CBX7: variants seen among roughly 807,000 people sequenced by gnomAD.
The protein encoded by CBX7 is chromobox protein homolog 7.
Under a neutral mutation model 31.4 loss-of-function variants are expected in CBX7, and 14 were observed. The ratio of observed to expected loss-of-function variants is 0.45; its 90% CI spans 0.29 to 0.70. CBX7 has a LOEUF of 0.70. Among genes scored for constraint, CBX7 ranks in the 30% least tolerant of loss-of-function variants. CBX7 has a pLI of 0.11. For missense variants in CBX7, 269 were observed against 351.9 expected, an observed-to-expected ratio of 0.76 and a Z score of 1.89; for synonymous variants, 159 against 152.6, an observed-to-expected ratio of 1.04 and a Z score of -0.31.
At chr22:39,139,776 A>G (rs1930389925) in intron 3 of CBX7, among the ~76,000 whole-genome samples, 1 of 151,124 alleles carries the variant, frequency 6.6e-6, no homozygotes, top group African/African-American at 2.4e-5. Context: ...CCAAAAATAC[A>G]AAAATTAGCC....
intron 3 of CBX7, chr22:39,141,007 CAG>C (rs891516050): frequency 8.5e-5 from 21 of 245,740 alleles, no homozygotes; most frequent in African/African-American, 4.0e-4. Flanking sequence ...TCCTAGCACA[CAG>C]GGCATCTTTG....
chr22:39,137,186 T>TA (rs1370234795), intron 4 of CBX7, among the ~76,000 whole-genome samples: 3 of 152,154 alleles, frequency 2.0e-5, no homozygotes, highest in African/African-American at 7.2e-5. Flanking sequence ...CGAATTTTTT[T>TA]AGGATTTTGG....
At position 39,139,313 on chromosome 22, in the gene CBX7, G is replaced by A. The variant is rs150260342; in HGVS notation, c.180-611C>T. Among the ~76,000 whole-genome samples, 6 of 152,274 alleles carry A rather than the reference G, an allele frequency of 3.9e-5. No individual in the cohort carries two copies. The East Asian group carries it at 9.6e-4, about 24-fold the overall frequency. ...ACAAAGCACAACTCAGGCCGGGTGC[G>A]GTGGCTCACGCCTGTAATCCCAGCA... On this transcript the variant is annotated intron_variant, in intron 3 of 5. Coordinates refer to ENST00000216133, the MANE Select transcript of CBX7 (RefSeq NM_175709.5).
intron 2 of CBX7, chr22:39,149,560 A>G (rs977510699): frequency 1.8e-6 from 1 of 568,360 alleles, no homozygotes; most frequent in Admixed American, 3.2e-5. Flanking sequence ...AGAGGAGCTC[A>G]ACACTCAGGA....
At chr22:39,140,680 C>T (rs912173153) in intron 3 of CBX7, among the ~76,000 whole-genome samples, 10 of 152,210 alleles carry the variant, frequency 6.6e-5, no homozygotes, top group Admixed American at 2.0e-4. Context: ...GGTCCCAAGC[C>T]GCACAAGGCA....
intron 2 of CBX7, chr22:39,147,918 T>G (rs1183373442): frequency 6.6e-6 from 1 of 152,218 alleles, no homozygotes; most frequent in East Asian, 1.9e-4. Context: ...TAACTTAATC[T>G]TAAAACCAAA....
chr22:39,145,690 G>A (rs565902327), intron 2 of CBX7, among the ~76,000 whole-genome samples: 5 of 150,654 alleles, frequency 3.3e-5, no homozygotes, highest in Non-Finnish European at 5.9e-5. Context: ...CACGGGGAGG[G>A]GCGCGCGCCG....
intron 5 of CBX7, 122 bp downstream of exon 5, chr22:39,134,279 A>G: frequency 2.1e-6 from 2 of 949,230 alleles, no homozygotes; most frequent in Non-Finnish European, 3.1e-6. Flanking sequence ...TTGGGCCCTG[A>G]GCCCAGACCC....
chr22:39,143,268 TA>T (rs1233364979), intron 2 of CBX7, among the ~76,000 whole-genome samples: 3 of 147,344 alleles, frequency 2.0e-5, no homozygotes, highest in African/African-American at 7.6e-5. Context: ...ACAATGAAAA[TA>T]AAAATATAAA....
chr22:39,136,359 C>T (rs1200047856), intron 4 of CBX7: 1 of 152,322 alleles, frequency 6.6e-6, no homozygotes, highest in Admixed American at 6.5e-5. Context: ...CCGTCCATTC[C>T]CACACCCAGT....
At chr22:39,139,730 G>GAAAAAAAAAA (rs1930387296) in intron 3 of CBX7, among the ~76,000 whole-genome samples, 1 of 108,370 alleles carries the variant, frequency 9.2e-6, no homozygotes, top group African/African-American at 3.7e-5. Context: ...AAGAAAGAAA[G>GAAAAAAAAAA]AAAAAGAAAA....
chr22:39,133,931 G>T lies in CBX7; in HGVS notation c.716C>A (p.Ala239Glu), dbSNP rs763061260. 6.2e-7 allele frequency: 1 copy of T among 1,613,696 alleles called. No homozygotes were observed. Among genetic ancestry groups the T allele is most frequent in the Non-Finnish European group, 8.5e-7 (1 of 1,179,794 alleles). ...GCGGTCTCGGAAGAAGCCCTCAGCT[G>T]CCTGGGCCTCGCGGAAGGTGACGGT... is the stretch of plus-strand genomic sequence containing the variant. Reference protein sequence around the residue: ...SITVTFREAQAAEGFFRDRSG... With the variant: ...SITVTFREAQEAEGFFRDRSG... The change falls in exon 6 of 6, where the codon GCA becomes GAA. Residue 239 changes from alanine to glutamate, a missense_variant. Physicochemically the swap from Ala to Glu is moderately radical, Grantham distance 107 (BLOSUM62 -1). This residue lies in a region of CBX7 where 222 missense variants were observed against 240.4 expected (regional missense o/e 0.92). Coordinates refer to ENST00000216133, the MANE Select transcript of CBX7 (RefSeq NM_175709.5).
chr22:39,141,476 C>T (rs746829188), intron 2 of CBX7, 40 bp from the exon 3 acceptor site: 72 of 1,567,832 alleles, frequency 4.6e-5, no homozygotes, highest in African/African-American at 3.0e-4. Context: ...GGGCTGGGCG[C>T]GGTGGCTCAT....
intron 1 of CBX7, among the ~76,000 whole-genome samples, chr22:39,151,896 G>A (rs895996977): frequency 1.3e-5 from 2 of 151,896 alleles, no homozygotes; most frequent in African/African-American, 2.4e-5. Flanking sequence ...CGTAGAGGGG[G>A]CAGGATCGGA....
chr22:39,134,650 C>A lies in CBX7; in HGVS notation c.349G>T (p.Val117Leu). ...CPLGSGSPEG[V>L]VKAGAPELVD... is the part of the protein sequence containing the mutation. ...AGCTCAGGTGCCCCCGCCTTGACCA[C>A]CCCCTCAGGGCTCCCGCTGCCGAGT... is the stretch of plus-strand genomic sequence containing the variant. Residue 117 changes from valine (V) to leucine (L), a missense_variant, in exon 5 of 6, where the codon GTG becomes TTG. Physicochemically the swap from Val to Leu is conservative, Grantham distance 32. Coordinates refer to ENST00000216133, the MANE Select transcript of CBX7 (RefSeq NM_175709.5). 1 of 1,588,786 alleles carries A rather than the reference C, an allele frequency of 6.3e-7. No individual in the cohort carries two copies. The highest frequency in any genetic ancestry group is 8.6e-7 in the Non-Finnish European group (1 of 1,167,470).
intron 1 of CBX7, among the ~76,000 whole-genome samples, chr22:39,150,821 A>G (rs2146374974): frequency 6.6e-6 from 1 of 152,266 alleles, no homozygotes; most frequent in South Asian, 2.1e-4. Flanking sequence ...AAGCCCCTGC[A>G]CGCCAGAACT....
At chr22:39,143,073 G>C (rs1370039870) in intron 2 of CBX7, among the ~76,000 whole-genome samples, 1 of 152,120 alleles carries the variant, frequency 6.6e-6, no homozygotes, top group Non-Finnish European at 1.5e-5. Context: ...GGCCAACGTG[G>C]AGAAACCCCA....
chr22:39,145,043 G>T (rs775119475), intron 2 of CBX7, among the ~76,000 whole-genome samples: 21 of 152,188 alleles, frequency 1.4e-4, no homozygotes, highest in Non-Finnish European at 2.6e-4. Context: ...CGACTGTGCA[G>T]CCCGCGGGAG....
chr22:39,134,002 G>A lies in CBX7; in HGVS notation c.645C>T (p.Leu215=). 1.9e-6 allele frequency: 3 copies of A among 1,612,412 alleles called. No homozygotes were observed. The highest frequency in any genetic ancestry group is 2.5e-6 in the Non-Finnish European group (3 of 1,178,866). Residue 215 remains leucine, a synonymous_variant, in exon 6 of 6, where the codon CTC becomes CTT. Transcript: ENST00000216133. The part of the protein sequence containing the change: ...AEGPPPWTPA[L]PSSEVTVTDI... ...CGGTCACGGTCACCTCACTTGAGGG[G>A]AGCGCAGGTGTCCAGGGAGGGGGCC...
Sources: gnomAD v4.1 joint callset for allele counts (sites outside exome capture counted in the v4.1 genomes callset) on GRCh38, gnomAD v4.1.1 for gene constraint, gnomAD v4.1.1 regional missense constraint, MANE v1.5 for transcripts, NCBI Gene and HGNC (gene_info 2026-07-23, HGNC 2026-07-21) for gene names.